The following PTCHD1 variants were observed in gnomAD, a reference collection of about 807,000 sequenced individuals.
The protein encoded by PTCHD1 is patched domain containing 1.
A neutral mutation model predicts 34.6 loss-of-function variants in PTCHD1; 3 were observed. That is an observed-to-expected ratio of 0.09 (90% CI 0.04 to 0.22). The LOEUF (loss-of-function observed/expected upper bound fraction) is 0.22, where lower values mean the gene tolerates loss of function less well. Ranked by LOEUF, PTCHD1 falls within the 10% of genes least tolerant of loss-of-function variation. The pLI, the probability that PTCHD1 is intolerant of heterozygous loss-of-function variation, is 1.00. For missense variants in PTCHD1, 504 were observed against 685.5 expected, an observed-to-expected ratio of 0.74 and a Z score of 2.96; for synonymous variants, 305 against 283.1, an observed-to-expected ratio of 1.08 and a Z score of -0.77.
intron 1 of PTCHD1, among the ~76,000 whole-genome samples, chrX:23,338,797 C>A (rs1921235178): frequency 9.0e-6 from 1 of 111,451 alleles, no homozygotes; most frequent in Admixed American, 9.5e-5. Context: ...TTTTGTTATC[C>A]AAATGAAGTA....
At chrX:23,353,148 G>A (rs751521377) in intron 1 of PTCHD1, among the ~76,000 whole-genome samples, 1 of 112,407 alleles carries the variant, frequency 8.9e-6, no homozygotes, top group Non-Finnish European at 1.9e-5. Context: ...ATCCAAATAA[G>A]GCCTGTCACA....
At chrX:23,342,302 ATATATATATTT>A (rs1921352036) in intron 1 of PTCHD1, among the ~76,000 whole-genome samples, 1 of 10,020 alleles carries the variant, frequency 1.0e-4, no homozygotes, top group African/African-American at 1.7e-3. Flanking sequence ...ATATATATAT[ATATATATATTT>A]TTTTTTTTTT....
At chrX:23,363,022 T>G (rs760948558) in intron 1 of PTCHD1, among the ~76,000 whole-genome samples, 21 of 111,817 alleles carry the variant, frequency 1.9e-4, no homozygotes, top group Non-Finnish European at 3.2e-4. Flanking sequence ...CTCTGGAAGC[T>G]TCATCCCAGA....
intron 1 of PTCHD1, among the ~76,000 whole-genome samples, chrX:23,366,253 A>G (rs905944620): frequency 2.5e-4 from 28 of 111,726 alleles, no homozygotes; most frequent in African/African-American, 8.5e-4. Flanking sequence ...ATCCTTTCCA[A>G]TGTAGCTACC....
chrX:23,365,300 A>G (rs1226224908), intron 1 of PTCHD1, among the ~76,000 whole-genome samples: 4 of 112,064 alleles, frequency 3.6e-5, no homozygotes, highest in Middle Eastern at 9.2e-3. Flanking sequence ...TGGCTGTGTG[A>G]AAATAATACA....
intron 1 of PTCHD1, among the ~76,000 whole-genome samples, chrX:23,355,166 C>T (rs921490941): frequency 6.3e-5 from 7 of 110,713 alleles, no homozygotes; most frequent in East Asian, 5.7e-4. Flanking sequence ...TAATAGACCC[C>T]GAGATTCCAC....
At chrX:23,387,382 G>A (rs1922709392) in intron 2 of PTCHD1, among the ~76,000 whole-genome samples, 1 of 111,002 alleles carries the variant, frequency 9.0e-6, no homozygotes, top group Admixed American at 9.5e-5. Flanking sequence ...GGGAGGATTA[G>A]CCAGTTGAAT....
At chrX:23,361,656 G>T (rs1231376784) in intron 1 of PTCHD1, among the ~76,000 whole-genome samples, 1 of 111,727 alleles carries the variant, frequency 9.0e-6, no homozygotes, top group Non-Finnish European at 1.9e-5. Context: ...TACATTTAAG[G>T]TTAATATTGT....
At chrX:23,371,732 A>G (rs1254282806) in intron 1 of PTCHD1, among the ~76,000 whole-genome samples, 2 of 111,270 alleles carry the variant, frequency 1.8e-5, no homozygotes, top group Admixed American at 9.6e-5. Flanking sequence ...AGATATTGTC[A>G]AGTCGGGAAG....
intron 1 of PTCHD1, among the ~76,000 whole-genome samples, chrX:23,361,904 T>A (rs964330342): frequency 8.9e-6 from 1 of 112,024 alleles, no homozygotes; most frequent in Non-Finnish European, 1.9e-5. Flanking sequence ...CTCCTTCACT[T>A]ATGAAGCTTA....
Position 23,392,851 on chromosome X carries a change from C to A in PTCHD1, c.1333C>A (p.Pro445Thr). ...GCATAGTATCTTCTGTAGAAAAGTC[C>A]CAAAGCCTGAGGCATTGCAGGAGAA... ...YQHSIFCRKV[P>T]KPEALQEKPA... Residue 445 changes from proline to threonine, a missense_variant, in exon 3 of 3, where the codon CCA becomes ACA. Pro to Thr is a conservative substitution (Grantham distance 38). Coordinates refer to ENST00000379361, the MANE Select transcript of PTCHD1 (RefSeq NM_173495.3). 1 of 1,211,748 alleles carries A rather than the reference C, an allele frequency of 8.3e-7. No individual in the cohort carries two copies. The highest frequency in any genetic ancestry group is 1.1e-6 in the Non-Finnish European group (1 of 895,395).
At chrX:23,377,195 C>CT (rs1311944489) in intron 1 of PTCHD1, among the ~76,000 whole-genome samples, 1 of 112,225 alleles carries the variant, frequency 8.9e-6, no homozygotes, top group Non-Finnish European at 1.9e-5. Flanking sequence ...TTAGTAATCA[C>CT]TTTAAGGGAG....
chrX:23,374,355 G>C (rs1039421116), intron 1 of PTCHD1, among the ~76,000 whole-genome samples: 1 of 105,057 alleles, frequency 9.5e-6, no homozygotes, highest in Non-Finnish European at 1.9e-5. Flanking sequence ...AAACCCACAG[G>C]TATTTTTCCT....
chrX:23,379,619 T>A lies in PTCHD1; in HGVS notation c.380T>A (p.Val127Asp). The change falls in exon 2 of 3, where the codon GTT (valine) becomes GAT (aspartate). Residue 127 changes from valine to aspartate, a missense_variant. Val to Asp is a radical substitution (Grantham distance 152). Transcript: ENST00000379361. The stretch of plus-strand genomic sequence containing the variant: ...CATGCTGCTGTCACCAAGATCCAGG[T>A]TCCAAGGCCTGGTTTTAATTACACG... ...KLHAAVTKIQ[V>D]PRPGFNYTFA... is the part of the protein sequence containing the mutation. 8.3e-7 allele frequency: 1 copy of A among 1,211,673 alleles called. No individual in the cohort carries two copies. The highest frequency in any genetic ancestry group is 1.1e-6 in the Non-Finnish European group (1 of 895,345).
chrX:23,349,241 A>AAACAAC (rs772132228), intron 1 of PTCHD1, among the ~76,000 whole-genome samples: 2 of 111,750 alleles, frequency 1.8e-5, no homozygotes, highest in African/African-American at 3.2e-5. Flanking sequence ...ACAAATGCAA[A>AAACAAC]AACAACAACA....
intron 1 of PTCHD1, among the ~76,000 whole-genome samples, chrX:23,341,206 C>T (rs989770418): frequency 9.0e-6 from 1 of 111,606 alleles, no homozygotes; most frequent in East Asian, 2.8e-4. Context: ...TGACTCATGG[C>T]ATCTTGATAG....
Position 23,372,181 on chromosome X carries a change from GT to G in PTCHD1, c.352-7397del, listed in dbSNP as rs372544790. ...GATGGTGATGGGCAAACATACTAGT[GT>G]TTTTTTTTTTTTAAATTAGGGGTGA... is the stretch of plus-strand genomic sequence containing the variant. On this transcript the variant is annotated intron_variant, in intron 1 of 2. Coordinates refer to ENST00000379361, the MANE Select transcript of PTCHD1 (RefSeq NM_173495.3). 1.7e-3 allele frequency among the ~76,000 whole-genome samples: 172 copies of G among 101,610 alleles called. 1 individual carries two copies. The highest frequency in any genetic ancestry group is 4.0e-3 in the African/African-American group (112 of 28,151). The allele number at this position is 101,610 out of a possible 115,157, so 88.2% of individuals were successfully genotyped here.
chrX:23,373,834 G>A (rs999877787), intron 1 of PTCHD1, among the ~76,000 whole-genome samples: 1 of 112,160 alleles, frequency 8.9e-6, no homozygotes, highest in Admixed American at 9.4e-5. Context: ...GTAGTTTGGA[G>A]GGATTCAGTG....
At chrX:23,357,862 A>G (rs889221071) in intron 1 of PTCHD1, among the ~76,000 whole-genome samples, 45 of 110,752 alleles carry the variant, frequency 4.1e-4, no homozygotes, top group Non-Finnish European at 5.7e-5. Flanking sequence ...CCCTGTGTCC[A>G]AGTGTTCTCA....
Sources: allele counts gnomAD v4.1 joint callset (sites outside exome capture counted in the v4.1 genomes callset), GRCh38; gene constraint gnomAD v4.1.1; transcripts MANE v1.5; gene names NCBI Gene and HGNC (gene_info 2026-07-23, HGNC 2026-07-21).